CGNL1: variants seen among roughly 807,000 people sequenced by gnomAD.
CGNL1 encodes the protein cingulin-like protein 1.
A neutral mutation model predicts 141.2 loss-of-function variants in CGNL1; 132 were observed. That is an observed-to-expected ratio of 0.93 (90% confidence interval 0.81 to 1.08). The LOEUF is 1.08. Ranked by LOEUF, CGNL1 falls within the 50% of genes least tolerant of loss-of-function variation. CGNL1 has a pLI of 0.00. For synonymous variants in CGNL1, 690 were observed against 622.1 expected (o/e 1.11, Z -1.63); for missense variants, 1,870 against 1,588.6 (o/e 1.18, Z -3.01).
chr15:57,458,404 C>T (rs1233844661), intron 7 of CGNL1, among the ~76,000 whole-genome samples: 2 of 152,122 alleles, frequency 1.3e-5, no homozygotes, highest in Non-Finnish European at 2.9e-5. Context: ...AGTGATATGG[C>T]GAGGTGTAAT....
intron 1 of CGNL1, among the ~76,000 whole-genome samples, chr15:57,431,812 A>G (rs781163039): frequency 4.6e-5 from 7 of 152,140 alleles, no homozygotes; most frequent in South Asian, 4.1e-4. Flanking sequence ...TCTTCTTCCA[A>G]TGTGGCCCAG....
intron 13 of CGNL1, chr15:57,529,120 T>C (rs1250566576): frequency 9.2e-6 from 2 of 217,888 alleles, no homozygotes; most frequent in Non-Finnish European, 1.8e-5. Flanking sequence ...AGATAGTTCC[T>C]TTTCTGTTTG....
At chr15:57,397,453 C>G (rs1459211706) in intron 1 of CGNL1, among the ~76,000 whole-genome samples, 5 of 152,134 alleles carry the variant, frequency 3.3e-5, no homozygotes, top group African/African-American at 1.2e-4. Flanking sequence ...AGTATCTCAT[C>G]TTGCGAATTA....
intron 8 of CGNL1, among the ~76,000 whole-genome samples, chr15:57,486,467 A>C (rs565117031): frequency 6.6e-6 from 1 of 152,334 alleles, no homozygotes; most frequent in South Asian, 2.1e-4. Context: ...AACTGTTCTT[A>C]TCACCAAATC....
intron 10 of CGNL1, among the ~76,000 whole-genome samples, chr15:57,521,602 G>A (rs547707131): frequency 2.0e-5 from 3 of 152,308 alleles, no homozygotes; most frequent in East Asian, 3.9e-4. Context: ...AAATAATGTA[G>A]CAAATCTATT....
chr15:57,514,393 C>G (rs1315351871), intron 8 of CGNL1, among the ~76,000 whole-genome samples: 1 of 152,292 alleles, frequency 6.6e-6, no homozygotes, highest in African/African-American at 2.4e-5. Flanking sequence ...CACAAGTGAT[C>G]CGCCTGCCTG....
intron 10 of CGNL1, among the ~76,000 whole-genome samples, chr15:57,520,717 T>G (rs1424068739): frequency 6.6e-6 from 1 of 152,128 alleles, no homozygotes; most frequent in Non-Finnish European, 1.5e-5. Context: ...CATACATTAT[T>G]CCTAGGGCTT....
intron 1 of CGNL1, among the ~76,000 whole-genome samples, chr15:57,412,828 T>A (rs1313964703): frequency 6.6e-6 from 1 of 152,214 alleles, no homozygotes; most frequent in African/African-American, 2.4e-5. Context: ...ACTCCCCTCC[T>A]TCTGTACCCA....
chr15:57,524,504 C>T (rs1169218076), intron 11 of CGNL1, 77 bp from the exon 12 acceptor site: 2 of 1,285,628 alleles, frequency 1.6e-6, no homozygotes, highest in Non-Finnish European at 2.2e-6. Flanking sequence ...AGGAGATGTG[C>T]TGTGTGTTGA....
intron 1 of CGNL1, among the ~76,000 whole-genome samples, chr15:57,400,035 CA>C (rs2062642406): frequency 6.8e-6 from 1 of 147,280 alleles, no homozygotes; most frequent in African/African-American, 2.5e-5. Flanking sequence ...ACTGTGTCAC[CA>C]AAGTGGTGGT....
intron 1 of CGNL1, among the ~76,000 whole-genome samples, chr15:57,400,233 C>CAG (rs2062644969): frequency 6.6e-6 from 1 of 152,142 alleles, no homozygotes; most frequent in African/African-American, 2.4e-5. Flanking sequence ...CTCCTGACCT[C>CAG]AGGCCCGCCT....
rs769938496 is a variant in CGNL1 at position 57,543,755 on chromosome 15, C to T, written c.3351C>T (p.Cys1117=). The change falls in exon 15 of 19, where the codon TGC becomes TGT. Residue 1117 remains cysteine (C), a synonymous_variant. Coordinates refer to ENST00000281282, the MANE Select transcript of CGNL1 (RefSeq NM_032866.5). ...GAGCTGCGAGACAAGACTTGGAGTG[C>T]GACAAGATTTCCCTGGAGAGGCAGG... ...QERAARQDLE[C]DKISLERQNK... is the part of the protein sequence containing the mutation. The T allele has an allele frequency of 9.7e-5, 157 of 1,613,794 alleles. No homozygotes were observed. Among genetic ancestry groups the T allele is most frequent in the African/African-American group, 2.3e-4 (17 of 74,886 alleles).
chr15:57,413,179 TTCTTTCTCTCTTTC>T (rs1456127251), intron 1 of CGNL1, among the ~76,000 whole-genome samples: 3 of 122,742 alleles, frequency 2.4e-5, no homozygotes, highest in Admixed American at 7.7e-5. Flanking sequence ...CTTTCTTTCT[TTCTTTCTCTCTTTC>T]TCTTTCTCTC....
intron 14 of CGNL1, among the ~76,000 whole-genome samples, chr15:57,539,913 A>G (rs2032471832): frequency 6.6e-6 from 1 of 152,164 alleles, no homozygotes; most frequent in Non-Finnish European, 1.5e-5. Context: ...GGATGTTAAC[A>G]CTGCCTACCT....
chr15:57,398,136 G>A (rs1479028968), intron 1 of CGNL1, among the ~76,000 whole-genome samples: 1 of 152,134 alleles, frequency 6.6e-6, no homozygotes, highest in Non-Finnish European at 1.5e-5. Context: ...AAAACCAATA[G>A]ATGCTTATTG....
intron 1 of CGNL1, among the ~76,000 whole-genome samples, chr15:57,436,591 C>G (rs1472855458): frequency 2.0e-5 from 3 of 152,018 alleles, no homozygotes; most frequent in Non-Finnish European, 4.4e-5. Flanking sequence ...GACATAGTTA[C>G]AAACCACAAT....
chr15:57,451,578 A>C lies in CGNL1; in HGVS notation c.1882A>C (p.Arg628=). ...GACCATAGAAGTGGCTGAACTTCAG[A>C]GACAGCTTCAACTGGAAGTCAAGGT... is the stretch of plus-strand genomic sequence containing the variant. The part of the protein sequence containing the change: ...KLTIEVAELQ[R]QLQLEVKNQQ... Residue 628 remains arginine, a synonymous_variant, in exon 5 of 19, where the codon AGA becomes CGA. Transcript: ENST00000281282. 1 of 1,610,318 alleles carries C rather than the reference A, an allele frequency of 6.2e-7. No homozygotes were observed. Among genetic ancestry groups the C allele is most frequent in the Non-Finnish European group, 8.5e-7 (1 of 1,177,654 alleles).
In CGNL1 at chr15:57,513,132, A is replaced by C. The variant is rs563496086; in HGVS notation, c.2404-3648A>C. On this transcript the variant is annotated intron_variant, in intron 8 of 18. Coordinates refer to ENST00000281282, the MANE Select transcript of CGNL1 (RefSeq NM_032866.5). ...AGAAATTCCATCGCCATTAGCAGTC[A>C]CTCCTGGCCCCTTCCCCATATCCCT... Among the ~76,000 whole-genome samples the C allele has an allele frequency of 5.9e-5, 9 of 151,798 alleles. No homozygotes were observed. The South Asian group carries it at 1.7e-3, about 28-fold the overall frequency.
At chr15:57,536,983 C>G (rs891206934) in intron 14 of CGNL1, among the ~76,000 whole-genome samples, 1 of 152,184 alleles carries the variant, frequency 6.6e-6, no homozygotes, top group East Asian at 1.9e-4. Flanking sequence ...TTCAGCTGAT[C>G]CTCTCCTGAT....
Sources: gnomAD v4.1 joint callset for allele counts (sites outside exome capture counted in the v4.1 genomes callset) on GRCh38, gnomAD v4.1.1 for gene constraint, MANE v1.5 for transcripts, NCBI Gene and HGNC (gene_info 2026-07-23, HGNC 2026-07-21) for gene names.